The following ARHGEF4 variants were observed in gnomAD, a reference collection of about 807,000 sequenced individuals.
ARHGEF4 encodes APC-stimulated guanine nucleotide exchange factor 1.
A neutral mutation model predicts 162.0 loss-of-function variants in ARHGEF4; 119 were observed. The ratio of observed to expected loss-of-function variants is 0.73; its 90% CI spans 0.63 to 0.86. The LOEUF (loss-of-function observed/expected upper bound fraction) is 0.86. Among genes scored for constraint, ARHGEF4 ranks in the 40% least tolerant of loss-of-function variants. The probability of loss-of-function intolerance (pLI) is 0.00; values close to 1 mark genes in which losing one functional copy is unlikely to be tolerated. For missense variants in ARHGEF4, 2,488 were observed against 2,456.0 expected (o/e 1.01, Z -0.28); for synonymous variants, 1,014 against 979.9 (o/e 1.03, Z -0.65).
rs1691083331 is a variant in ARHGEF4 at position 131,044,538 on chromosome 2, GA to G, written c.5398del (p.Thr1800GlnfsTer15). 1 of 1,550,082 alleles carries G rather than the reference GA, an allele frequency of 6.5e-7. No homozygotes were observed. The highest frequency in any genetic ancestry group is 2.0e-5 in the Admixed American group (1 of 51,008). ...EREQVQLDQE[T>X]GFSITELQRK... is the part of the protein sequence containing the mutation. ...GGGAGCAGGTGCAGCTGGACCAGGA[GA>G]CAGGTTCGAGACCCTGCTGGGCCTT... On this transcript the variant is annotated frameshift_variant, in exon 12 of 14. Transcript: ENST00000409359. LOFTEE classifies it high-confidence loss of function.
chr2:131,034,497 C>T (rs1348039591), intron 5 of ARHGEF4, among the ~76,000 whole-genome samples: 2 of 152,212 alleles, frequency 1.3e-5, no homozygotes, highest in Non-Finnish European at 2.9e-5. Context: ...GGGTGGATCG[C>T]TCCCACCGGA....
At chr2:130,874,657 C>A (rs1407177768) in intron 1 of ARHGEF4, among the ~76,000 whole-genome samples, 1 of 152,116 alleles carries the variant, frequency 6.6e-6, no homozygotes, top group Admixed American at 6.6e-5. Context: ...ACTGTTCCCC[C>A]CACTGGTAGC....
chr2:130,977,682 T>C (rs558747962), intron 4 of ARHGEF4, among the ~76,000 whole-genome samples: 1 of 152,062 alleles, frequency 6.6e-6, no homozygotes, highest in African/African-American at 2.4e-5. Flanking sequence ...GTGTGTGCGC[T>C]GTGTGCATTG....
intron 1 of ARHGEF4, 123 bp downstream of exon 1, chr2:130,837,115 A>C (rs985862648): frequency 1.1e-6 from 1 of 930,498 alleles, no homozygotes; most frequent in Non-Finnish European, 1.4e-6. Context: ...GGGTGGGGAC[A>C]CCCTCGTGGC....
At chr2:130,978,362 C>G (rs1328269482) in intron 4 of ARHGEF4, among the ~76,000 whole-genome samples, 1 of 152,190 alleles carries the variant, frequency 6.6e-6, no homozygotes, top group East Asian at 1.9e-4. Context: ...TACAATATTT[C>G]TCCCTGGTCC....
At chr2:130,985,718 T>C (rs1296316510) in intron 4 of ARHGEF4, among the ~76,000 whole-genome samples, 3 of 152,154 alleles carry the variant, frequency 2.0e-5, no homozygotes, top group Non-Finnish European at 4.4e-5. Flanking sequence ...TGTGGCACTA[T>C]TGGGTAGGTT....
At chr2:130,952,510 G>A (rs1033036693) in intron 4 of ARHGEF4, among the ~76,000 whole-genome samples, 7 of 152,094 alleles carry the variant, frequency 4.6e-5, no homozygotes, top group Non-Finnish European at 1.0e-4. Context: ...CACAAGATAG[G>A]GATGCCCTAT....
chr2:130,957,660 T>G (rs1386314978), intron 4 of ARHGEF4, among the ~76,000 whole-genome samples: 1 of 152,292 alleles, frequency 6.6e-6, no homozygotes, highest in South Asian at 2.1e-4. Context: ...ATGATGGTAT[T>G]GGGAGGTAAG....
intron 4 of ARHGEF4, among the ~76,000 whole-genome samples, chr2:130,982,554 T>C (rs1383833788): frequency 1.3e-5 from 2 of 151,960 alleles, no homozygotes; most frequent in African/African-American, 4.8e-5. Flanking sequence ...TCCTTCTTTT[T>C]TCGCCTCCTC....
intron 1 of ARHGEF4, among the ~76,000 whole-genome samples, chr2:130,899,429 A>T (rs375488374): frequency 2.9e-4 from 44 of 152,310 alleles, no homozygotes; most frequent in African/African-American, 1.0e-3. Flanking sequence ...AGTTCCCTGG[A>T]GGAAGAATAT....
At chr2:130,863,040 C>T (rs1682038112) in intron 1 of ARHGEF4, among the ~76,000 whole-genome samples, 2 of 19,186 alleles carry the variant, frequency 1.0e-4, no homozygotes, top group Admixed American at 1.4e-3. Context: ...GCCTGGGCAA[C>T]CTAGCAAGAC....
chr2:131,008,994 T>G (rs1372400044), intron 4 of ARHGEF4, among the ~76,000 whole-genome samples: 1 of 152,264 alleles, frequency 6.6e-6, no homozygotes, highest in Non-Finnish European at 1.5e-5. Flanking sequence ...CTTCTGGTGC[T>G]TATCATTTTA....
At chr2:130,992,886 C>G (rs1397871233) in intron 4 of ARHGEF4, among the ~76,000 whole-genome samples, 1 of 152,168 alleles carries the variant, frequency 6.6e-6, no homozygotes, top group African/African-American at 2.4e-5. Flanking sequence ...GGATTCGAGA[C>G]CAGCCTGGCC....
Position 130,995,888 on chromosome 2 carries a change from CTTTTTTTT to C in ARHGEF4, c.3986-32046_3986-32039del, listed in dbSNP as rs1184456550. ...TGAAGTTATTAAAAGTATTATTCAC[CTTTTTTTT>C]TTTTTTTTTTGAGACAGAGTCTTGC... On this transcript the variant is annotated intron_variant, in intron 4 of 13. Coordinates refer to ENST00000409359, the MANE Select transcript of ARHGEF4 (RefSeq NM_001367493.1). 2.0e-4 allele frequency among the ~76,000 whole-genome samples: 28 copies of C among 136,880 alleles called. No homozygotes were observed. The East Asian group carries it at 2.6e-3, about 13-fold the overall frequency. 89.8% of individuals were successfully genotyped at this position (136,880 alleles called of 152,430 possible). A position where few individuals can be genotyped will look rare whatever the true frequency, so the allele number is the denominator to read the frequency against.
In ARHGEF4 at chr2:131,008,984, C is replaced by T. The variant is rs112881724; in HGVS notation, c.3986-18961C>T. The stretch of plus-strand genomic sequence containing the variant: ...TGTTGTACATACCCACAGTTTAACA[C>T]TTCTGGTGCTTATCATTTTATCTTG... On this transcript the variant is annotated intron_variant, in intron 4 of 13. Transcript: ENST00000409359. Among the ~76,000 whole-genome samples, 989 of 152,340 alleles carry T rather than the reference C, an allele frequency of 6.5e-3. 9 individuals carry two copies. The highest frequency in any genetic ancestry group is 0.023 in the African/African-American group (963 of 41,574).
chr2:131,041,167 A>T, intron 8 of ARHGEF4, 63 bp from the exon 9 acceptor site: 1 of 1,491,184 alleles, frequency 6.7e-7, no homozygotes, highest in Non-Finnish European at 9.2e-7. Flanking sequence ...CTTCCCACAC[A>T]TGCAGCTGGA....
intron 4 of ARHGEF4, among the ~76,000 whole-genome samples, chr2:131,025,980 G>A (rs1369711529): frequency 6.6e-6 from 1 of 152,098 alleles, no homozygotes; most frequent in Non-Finnish European, 1.5e-5. Flanking sequence ...AATTCCTCAC[G>A]TAACATAACA....
At chr2:130,964,924 G>A (rs1684907720) in intron 4 of ARHGEF4, among the ~76,000 whole-genome samples, 2 of 152,232 alleles carry the variant, frequency 1.3e-5, no homozygotes, top group South Asian at 4.1e-4. Flanking sequence ...TATTAATGGA[G>A]CAAGGAAGTC....
At chr2:130,972,465 C>T (rs539853579) in intron 4 of ARHGEF4, among the ~76,000 whole-genome samples, 17 of 152,330 alleles carry the variant, frequency 1.1e-4, no homozygotes, top group Admixed American at 2.6e-4. Context: ...CCTTGCTCCA[C>T]TCTCTCTTGG....
Sources: allele counts gnomAD v4.1 joint callset (sites outside exome capture counted in the v4.1 genomes callset), GRCh38; gene constraint gnomAD v4.1.1; transcripts MANE v1.5; gene names NCBI Gene and HGNC (gene_info 2026-07-23, HGNC 2026-07-21).